HK2: variants seen among roughly 807,000 people sequenced by gnomAD.
HK2 encodes the protein hexokinase-2.
In HK2, 42 loss-of-function variants were observed where a neutral mutation model predicts 92.9. The observed-to-expected ratio is 0.45, with a 90% CI of 0.35 to 0.58. The LOEUF is 0.58. Among genes scored for constraint, HK2 ranks in the 20% least tolerant of loss-of-function variants. The pLI, the probability that HK2 is intolerant of heterozygous loss-of-function variation, is 0.00. For synonymous variants in HK2, 422 were observed against 468.0 expected, an observed-to-expected ratio of 0.90 and a Z score of 1.27; for missense variants, 978 against 1,245.1, an observed-to-expected ratio of 0.79 and a Z score of 3.23.
chr2:74,885,276 G>C (rs1460639015), intron 12 of HK2, among the ~76,000 whole-genome samples: 2 of 152,208 alleles, frequency 1.3e-5, no homozygotes, highest in Non-Finnish European at 2.9e-5. Context: ...ATAATGTAAT[G>C]CATGATCTAT....
chr2:74,875,485 C>G (rs1021686290), intron 7 of HK2, among the ~76,000 whole-genome samples: 4 of 152,030 alleles, frequency 2.6e-5, no homozygotes, highest in Non-Finnish European at 5.9e-5. Context: ...CCTGCCACCA[C>G]GCCCAGCTAA....
At chr2:74,864,483 G>A (rs1461421754) in intron 2 of HK2, among the ~76,000 whole-genome samples, 1 of 151,648 alleles carries the variant, frequency 6.6e-6, no homozygotes, top group Non-Finnish European at 1.5e-5. Context: ...AATTTACTGT[G>A]TTTCTTCTTT....
At chr2:74,878,019 A>G (rs896305811) in intron 8 of HK2, among the ~76,000 whole-genome samples, 1 of 151,582 alleles carries the variant, frequency 6.6e-6, no homozygotes, top group South Asian at 2.1e-4. Context: ...TTAAGGGGAA[A>G]CTCTTGAAGG....
chr2:74,882,605 T>TTATA (rs141761906), intron 12 of HK2, among the ~76,000 whole-genome samples: 4,950 of 75,710 alleles, frequency 0.065, 1,211 homozygotes, highest in African/African-American at 0.2. Context: ...TCTATTGAAC[T>TTATA]TATATATATA....
At position 74,892,757 on chromosome 2, in the gene HK2, G is replaced by T. The variant is rs908949373; in HGVS notation, c.*1816G>T. 8.5e-5 allele frequency: 13 copies of T among 152,124 alleles called. No homozygotes were observed. Among genetic ancestry groups the T allele is most frequent in the Non-Finnish European group, 1.9e-4 (13 of 68,016 alleles). 9.4% of individuals were successfully genotyped at this position (152,124 alleles called of 1,614,324 possible). On this transcript the variant is annotated 3_prime_UTR_variant, in exon 18 of 18. Transcript: ENST00000290573. ...ATTATACGACTTTTAAGCAAAGTTG[G>T]GTGTAATTAGGTGAAAACAGCCCAG...
intron 1 of HK2, among the ~76,000 whole-genome samples, chr2:74,849,869 G>A (rs1688526570): frequency 6.6e-6 from 1 of 152,314 alleles, no homozygotes; most frequent in South Asian, 2.1e-4. Context: ...TTGCATACTG[G>A]TGTTTCTGAT....
chr2:74,862,308 G>T (rs1351606513), intron 2 of HK2, among the ~76,000 whole-genome samples: 1 of 152,246 alleles, frequency 6.6e-6, no homozygotes, highest in Non-Finnish European at 1.5e-5. Context: ...TGGCACATTG[G>T]TGCTGTGCTG....
intron 1 of HK2, chr2:74,835,174 G>C (rs1688128175): frequency 5.4e-6 from 1 of 184,596 alleles, no homozygotes; most frequent in Non-Finnish European, 1.1e-5. Flanking sequence ...AAGCTGACCC[G>C]GGAAGGAGTA....
intron 2 of HK2, among the ~76,000 whole-genome samples, chr2:74,862,813 G>GTATGTGTGCGTGTA (rs1303593438): frequency 6.6e-6 from 1 of 152,194 alleles, no homozygotes; most frequent in African/African-American, 2.4e-5. Flanking sequence ...GTGCGTGTGT[G>GTATGTGTGCGTGTA]TATGTGTGCG....
chr2:74,847,711 TAAAC>T (rs3836189), intron 1 of HK2, among the ~76,000 whole-genome samples: 25,286 of 151,970 alleles, frequency 0.17, 2,680 homozygotes, highest in Admixed American at 0.31. Context: ...TCTCTAAAGT[TAAAC>T]AAACTTGACG....
intron 2 of HK2, 65 bp downstream of exon 2, chr2:74,854,520 C>T: frequency 1.9e-6 from 3 of 1,581,262 alleles, no homozygotes; most frequent in Non-Finnish European, 2.6e-6. Flanking sequence ...TGGCTTTGCT[C>T]AGGGACCCAA....
intron 3 of HK2, among the ~76,000 whole-genome samples, chr2:74,870,103 G>A (rs551683674): frequency 6.6e-6 from 1 of 150,726 alleles, no homozygotes; most frequent in African/African-American, 2.4e-5. Context: ...CTGCCCCCCA[G>A]GTTCAAGCGA....
At position 74,882,233 on chromosome 2, in the gene HK2, G is replaced by A; in HGVS notation, c.1833G>A (p.Leu611=). 6.2e-7 allele frequency: 1 copy of A among 1,614,026 alleles called. No individual in the cohort carries two copies. The highest frequency in any genetic ancestry group is 8.5e-7 in the Non-Finnish European group (1 of 1,179,938). ...CCTTCCCCTGCCAGCAGAACAGCCT[G>A]GACGAGGTAACAGCACCTTCCTGGA... The part of the protein sequence containing the change: ...TFSFPCQQNS[L]DESILLKWTK... The change falls in exon 12 of 18, where the codon CTG becomes CTA. Residue 611 remains leucine (L), a synonymous_variant. Transcript: ENST00000290573.
At chr2:74,842,885 A>G (rs1573353692) in intron 1 of HK2, among the ~76,000 whole-genome samples, 1 of 152,222 alleles carries the variant, frequency 6.6e-6, no homozygotes, top group African/African-American at 2.4e-5. Flanking sequence ...CTGAATGATC[A>G]CAGGGTTAGT....
chr2:74,834,654 G>A lies in HK2; in HGVS notation c.63+11G>A, dbSNP rs897076710. 5 of 1,613,772 alleles carry A rather than the reference G, an allele frequency of 3.1e-6. No homozygotes were observed. The African/African-American group carries it at 6.7e-5, about 22-fold the overall frequency. On this transcript the variant is annotated intron_variant, in intron 1 of 17. Transcript: ENST00000290573. This position sits in a 1 kb window ranked among gnomAD's most constrained non-coding sequence, Gnocchi z 4.2. ...GACCAAGTGCAGAAGGTAAGTCAGC[G>A]CGGGCGGGGCGGCAGGCTGGGCTCT... is the stretch of plus-strand genomic sequence containing the variant.
intron 17 of HK2, among the ~76,000 whole-genome samples, chr2:74,890,025 G>C (rs1417013575): frequency 6.6e-6 from 1 of 152,214 alleles, no homozygotes; most frequent in Non-Finnish European, 1.5e-5. Context: ...GTGCTACTGT[G>C]AACATTCTGG....
chr2:74,885,489 T>C lies in HK2; in HGVS notation c.1840-5T>C. The C allele has an allele frequency of 6.2e-7, 1 of 1,610,194 alleles. No individual in the cohort carries two copies. Among genetic ancestry groups the C allele is most frequent in the Non-Finnish European group, 8.5e-7 (1 of 1,176,510 alleles). On this transcript the variant is annotated splice_polypyrimidine_tract_variant and splice_region_variant and intron_variant, in intron 12 of 17. Coordinates refer to ENST00000290573, the MANE Select transcript of HK2 (RefSeq NM_000189.5). ...GTCCTTTCCATGCTTGTGTGTGATT[T>C]TTAGAGCATCCTCCTCAAGTGGACA...
At position 74,872,403 on chromosome 2, in the gene HK2, A is replaced by G. The variant is rs1303598108; in HGVS notation, c.479A>G (p.Gln160Arg). 4 of 1,614,076 alleles carry G rather than the reference A, an allele frequency of 2.5e-6. No individual in the cohort carries two copies. In the South Asian group the frequency reaches 4.4e-5, roughly 18 times the overall value. ...LGFTFSFPCHQTKLDESFLVS... is the reference protein window; with the variant it reads ...LGFTFSFPCHRTKLDESFLVS... Reference sequence around the variant, plus strand: ...TTTACCTTCTCGTTCCCCTGCCACCAGACTAAACTAGACGAGGTAAGATGG... The same window carrying G: ...TTTACCTTCTCGTTCCCCTGCCACCGGACTAAACTAGACGAGGTAAGATGG... Residue 160 changes from glutamine (Q) to arginine (R), a missense_variant, in exon 4 of 18, where the codon CAG (glutamine) becomes CGG (arginine). Transcript: ENST00000290573.
intron 2 of HK2, among the ~76,000 whole-genome samples, chr2:74,862,679 A>C (rs1688857647): frequency 6.6e-6 from 1 of 152,228 alleles, no homozygotes; most frequent in Non-Finnish European, 1.5e-5. Flanking sequence ...TGGGGTACTT[A>C]CGTAGTCCAG....
Sources: allele counts gnomAD v4.1 joint callset (sites outside exome capture counted in the v4.1 genomes callset), GRCh38; gene constraint gnomAD v4.1.1; non-coding constraint Gnocchi (gnomAD v3.1); transcripts MANE v1.5; gene names NCBI Gene and HGNC (gene_info 2026-07-23, HGNC 2026-07-21).